PDE1C: variants seen among roughly 807,000 people sequenced by gnomAD.
The protein encoded by PDE1C is phosphodiesterase 1C.
A neutral mutation model predicts 93.1 loss-of-function variants in PDE1C; 62 were observed. That is an observed-to-expected ratio of 0.67 (90% CI 0.54 to 0.82). The LOEUF is 0.82. Ranked by LOEUF, PDE1C falls within the 40% of genes least tolerant of loss-of-function variation. The pLI, the probability that PDE1C is intolerant of heterozygous loss-of-function variation, is 0.00. For missense variants in PDE1C, 742 were observed against 884.6 expected (o/e 0.84, Z 2.04); for synonymous variants, 325 against 310.1 (o/e 1.05, Z -0.50).
the PDE1C span, among the ~76,000 whole-genome samples, chr7:31,742,156 A>G: frequency 6.6e-6 from 1 of 152,252 alleles, no homozygotes; most frequent in Non-Finnish European, 1.5e-5. Flanking sequence ...ATTTGTGGAC[A>G]ATGAGTACAC....
chr7:32,242,318 A>G (rs1433790818), intron 1 of PDE1C, among the ~76,000 whole-genome samples: 1 of 152,178 alleles, frequency 6.6e-6, no homozygotes, highest in Non-Finnish European at 1.5e-5. Context: ...GGGGTTGAAC[A>G]ATTGTTGAAG....
chr7:32,344,422 G>T (rs181761921), intron 1 of PDE1C, among the ~76,000 whole-genome samples: 139 of 152,242 alleles, frequency 9.1e-4, no homozygotes, highest in Admixed American at 4.0e-3. Context: ...GGTTTACGGG[G>T]TACATTATCT....
chr7:31,775,380 A>G (rs1795757908), intron 17 of PDE1C, among the ~76,000 whole-genome samples: 1 of 152,162 alleles, frequency 6.6e-6, no homozygotes. Flanking sequence ...CTGCCTCTAC[A>G]AGGCAGATCC....
chr7:32,184,366 C>T (rs574127675), intron 2 of PDE1C, among the ~76,000 whole-genome samples: 385 of 152,300 alleles, frequency 2.5e-3, no homozygotes, highest in African/African-American at 9.1e-3. Flanking sequence ...TTTATTGCAT[C>T]ACTATTCACA....
At chr7:32,160,062 C>T (rs192719623) in intron 3 of PDE1C, among the ~76,000 whole-genome samples, 35 of 152,152 alleles carry the variant, frequency 2.3e-4, no homozygotes, top group African/African-American at 8.2e-4. Context: ...TCCTCAGGGC[C>T]TAAAGCACAG....
the PDE1C span, among the ~76,000 whole-genome samples, chr7:31,684,148 T>C: frequency 0.018 from 2,816 of 152,234 alleles, 40 homozygotes; most frequent in Middle Eastern, 0.041. Context: ...AGGGGCATAA[T>C]CAATTAAAGA....
At chr7:32,336,678 T>C (rs746296166) in intron 1 of PDE1C, among the ~76,000 whole-genome samples, 1 of 152,236 alleles carries the variant, frequency 6.6e-6, no homozygotes, top group Non-Finnish European at 1.5e-5. Context: ...AGACTAGATG[T>C]ATTTTGGGAT....
At chr7:32,244,744 A>T (rs975741205) in intron 1 of PDE1C, among the ~76,000 whole-genome samples, 1 of 152,314 alleles carries the variant, frequency 6.6e-6, no homozygotes, top group Admixed American at 6.5e-5. Context: ...AACCTGATGC[A>T]TGGTGTTTTT....
intron 1 of PDE1C, 107 bp downstream of exon 1, chr7:32,070,186 T>C: frequency 6.4e-7 from 1 of 1,555,660 alleles, no homozygotes; most frequent in African/African-American, 1.4e-5. Context: ...TAGGGTTGTA[T>C]TTAAAGGCCC....
chr7:32,207,303 T>C (rs1042190286), intron 2 of PDE1C, among the ~76,000 whole-genome samples: 12 of 151,422 alleles, frequency 7.9e-5, no homozygotes, highest in Non-Finnish European at 1.5e-5. Flanking sequence ...GTCAAGGCTG[T>C]CTTGTTGGAC....
chr7:31,822,974 G>A, intron 14 of PDE1C, 99 bp downstream of exon 14: 1 of 945,978 alleles, frequency 1.1e-6, no homozygotes, highest in South Asian at 2.0e-5. Flanking sequence ...ATTTGAATCT[G>A]CATCCTGAGC....
the PDE1C span, among the ~76,000 whole-genome samples, chr7:31,691,283 C>G: frequency 6.6e-6 from 1 of 152,194 alleles, no homozygotes; most frequent in Non-Finnish European, 1.5e-5. Flanking sequence ...CAAAAGACAA[C>G]AGAGTTGAAC....
chr7:31,956,873 T>C (rs1808224268), intron 2 of PDE1C, among the ~76,000 whole-genome samples: 1 of 152,156 alleles, frequency 6.6e-6, no homozygotes, highest in African/African-American at 2.4e-5. Flanking sequence ...TTTATATTTG[T>C]ACAGGTCTCA....
chr7:31,784,700 C>G (rs981700525), intron 16 of PDE1C: 1 of 151,898 alleles, frequency 6.6e-6, no homozygotes, highest in Non-Finnish European at 1.5e-5. Context: ...ACAGTGGGCA[C>G]AAGAGCTGAT....
At chr7:31,923,466 G>C (rs1802902203) in intron 2 of PDE1C, among the ~76,000 whole-genome samples, 1 of 152,180 alleles carries the variant, frequency 6.6e-6, no homozygotes, top group Admixed American at 6.5e-5. Flanking sequence ...AAAACCACTG[G>C]TTCAGGGTGA....
intron 1 of PDE1C, among the ~76,000 whole-genome samples, chr7:32,424,424 A>C (rs1034146408): frequency 4.6e-5 from 7 of 152,212 alleles, no homozygotes; most frequent in African/African-American, 1.7e-4. Context: ...TCCAGGACCA[A>C]TGTACTTTCC....
At chr7:32,249,150 G>T (rs1381754458) in intron 1 of PDE1C, among the ~76,000 whole-genome samples, 1 of 152,152 alleles carries the variant, frequency 6.6e-6, no homozygotes, top group East Asian at 1.9e-4. Context: ...TGTTCAGGCA[G>T]AGTCTGGACA....
intron 6 of PDE1C, among the ~76,000 whole-genome samples, chr7:31,868,543 A>G (rs926967571): frequency 4.8e-4 from 73 of 152,294 alleles, no homozygotes; most frequent in African/African-American, 1.7e-3. Context: ...TATGTGGCGA[A>G]TGGACCACCA....
In PDE1C at chr7:32,150,033, A is replaced by T. The variant is rs115732880; in HGVS notation, c.308+19752T>A. 3.2e-3 allele frequency among the ~76,000 whole-genome samples: 493 copies of T among 152,308 alleles called. 4 individuals are homozygous for T. The highest frequency in any genetic ancestry group is 0.011 in the African/African-American group (472 of 41,570). On this transcript the variant is annotated intron_variant, in intron 3 of 18. Transcript: ENST00000396193. Reference sequence around the variant, plus strand: ...TAAGTTCCTGGGTGGGTCAAGAAAGATCATCCCTCTTTGGAAGGATGTGGC... The same window carrying T: ...TAAGTTCCTGGGTGGGTCAAGAAAGTTCATCCCTCTTTGGAAGGATGTGGC...
Sources: gnomAD v4.1 joint callset for allele counts (sites outside exome capture counted in the v4.1 genomes callset) on GRCh38, gnomAD v4.1.1 for gene constraint, MANE v1.5 for transcripts, NCBI Gene and HGNC (gene_info 2026-07-23, HGNC 2026-07-21) for gene names.